The following SLC44A5 variants were observed in gnomAD, a reference collection of about 807,000 sequenced individuals.
SLC44A5 encodes choline transporter-like protein 5.
A neutral mutation model predicts 101.8 loss-of-function variants in SLC44A5; 57 were observed. The ratio of observed to expected loss-of-function variants is 0.56; its 90% CI spans 0.45 to 0.70. SLC44A5 has a LOEUF of 0.70. Among genes scored for constraint, SLC44A5 ranks in the 30% least tolerant of loss-of-function variants. The pLI is 0.00. For synonymous variants in SLC44A5, 281 were observed against 290.9 expected (o/e 0.97, Z 0.35); for missense variants, 737 against 853.1 (o/e 0.86, Z 1.70).
chr1:75,385,555 G>T (rs1171652449), intron 3 of SLC44A5, among the ~76,000 whole-genome samples: 1 of 152,116 alleles, frequency 6.6e-6, no homozygotes, highest in Non-Finnish European at 1.5e-5. Context: ...CTGAAATTGT[G>T]GCAATAATCA....
upstream of SLC44A5, chr1:75,615,967 G>T: frequency 1.2e-6 from 1 of 820,462 alleles, no homozygotes. Flanking sequence ...CCTCGCCGCG[G>T]CTCTCAGCTC....
At chr1:75,660,609 TAAAC>T in the SLC44A5 span, among the ~76,000 whole-genome samples, 9 of 152,218 alleles carry the variant, frequency 5.9e-5, no homozygotes, top group Admixed American at 5.2e-4. Flanking sequence ...GTAGAACTGA[TAAAC>T]AAATTCAGTA....
chr1:75,255,845 A>T (rs1261753484), intron 6 of SLC44A5, among the ~76,000 whole-genome samples: 1 of 152,148 alleles, frequency 6.6e-6, no homozygotes, highest in African/African-American at 2.4e-5. Context: ...AAAATGATGG[A>T]GCAATGTCTT....
chr1:75,305,404 G>C (rs1381200956), intron 4 of SLC44A5, among the ~76,000 whole-genome samples: 2 of 152,156 alleles, frequency 1.3e-5, no homozygotes, highest in African/African-American at 2.4e-5. Context: ...GCACATCACT[G>C]ATATTACTGA....
chr1:75,258,822 G>A (rs1204609614), intron 6 of SLC44A5, among the ~76,000 whole-genome samples: 1 of 145,326 alleles, frequency 6.9e-6, no homozygotes, highest in Non-Finnish European at 1.5e-5. Context: ...GAAGCTTCCA[G>A]AGGAAGGAAC....
At chr1:75,552,361 T>C (rs1054511920) in intron 1 of SLC44A5, among the ~76,000 whole-genome samples, 4 of 152,096 alleles carry the variant, frequency 2.6e-5, no homozygotes, top group African/African-American at 4.8e-5. Flanking sequence ...CTATATTTGG[T>C]TCACAAATCT....
chr1:75,677,213 C>T, the SLC44A5 span, among the ~76,000 whole-genome samples: 2 of 152,088 alleles, frequency 1.3e-5, no homozygotes, highest in Admixed American at 6.5e-5. Flanking sequence ...CTAAATAACA[C>T]TGTAATTGTG....
chr1:75,667,333 A>G, the SLC44A5 span, among the ~76,000 whole-genome samples: 1 of 152,150 alleles, frequency 6.6e-6, no homozygotes, highest in African/African-American at 2.4e-5. Flanking sequence ...CACAATTGCT[A>G]CTAAGAGAAT....
chr1:75,207,957 T>C (rs1326473978), intron 23 of SLC44A5, among the ~76,000 whole-genome samples: 1 of 152,176 alleles, frequency 6.6e-6, no homozygotes, highest in Non-Finnish European at 1.5e-5. Context: ...CTTTCTCAGT[T>C]ATCTGTTGCA....
Position 75,396,263 on chromosome 1 carries a change from A to C in SLC44A5, c.52+320T>G, listed in dbSNP as rs191725742. 3.4e-3 allele frequency among the ~76,000 whole-genome samples: 521 copies of C among 152,256 alleles called. 1 individual carries two copies. Among genetic ancestry groups the C allele is most frequent in the South Asian group, 6.4e-3 (31 of 4,828 alleles). ...TTTATTGGAGAGAGAGATTTGAACA[A>C]GACTCATGTGTCAAAGTCACAAACT... On this transcript the variant is annotated intron_variant, in intron 3 of 23. Transcript: ENST00000370859.
chr1:75,225,638 A>G (rs1182640754), intron 13 of SLC44A5, among the ~76,000 whole-genome samples: 3 of 152,188 alleles, frequency 2.0e-5, no homozygotes, highest in East Asian at 3.8e-4. Context: ...TTTGGTATTT[A>G]TAACTCTGCC....
chr1:75,217,574 A>G (rs1646987901), intron 18 of SLC44A5, among the ~76,000 whole-genome samples: 1 of 152,112 alleles, frequency 6.6e-6, no homozygotes, highest in Non-Finnish European at 1.5e-5. Context: ...TCTCAACAAT[A>G]ACATCTCAAA....
intron 2 of SLC44A5, among the ~76,000 whole-genome samples, chr1:75,476,886 T>A (rs1570394267): frequency 6.6e-6 from 1 of 152,328 alleles, no homozygotes; most frequent in East Asian, 1.9e-4. Flanking sequence ...GTCTGACAGC[T>A]TTGAAGAGAG....
At chr1:75,368,134 A>G (rs1659981817) in intron 3 of SLC44A5, among the ~76,000 whole-genome samples, 1 of 152,218 alleles carries the variant, frequency 6.6e-6, no homozygotes, top group African/African-American at 2.4e-5. Flanking sequence ...TATTACTGAG[A>G]AATTTGCTTT....
At chr1:75,529,593 G>A (rs938652314) in intron 2 of SLC44A5, among the ~76,000 whole-genome samples, 1 of 152,124 alleles carries the variant, frequency 6.6e-6, no homozygotes, top group Non-Finnish European at 1.5e-5. Flanking sequence ...AAGGCAGTCA[G>A]CCTCTTTCTA....
intron 5 of SLC44A5, among the ~76,000 whole-genome samples, chr1:75,300,014 C>CAAAA (rs35608663): frequency 4.2e-4 from 39 of 93,778 alleles, no homozygotes; most frequent in African/African-American, 2.0e-3. Context: ...GACTCTGTCT[C>CAAAA]AAAAAAAAAA....
At chr1:75,211,738 G>A (rs1364253681) in intron 22 of SLC44A5, among the ~76,000 whole-genome samples, 186 bp from the exon 23 acceptor site, 1 of 152,086 alleles carries the variant, frequency 6.6e-6, no homozygotes, top group Non-Finnish European at 1.5e-5. Context: ...ACTTAAACAA[G>A]TTTTATTAAA....
At chr1:75,654,780 A>G in the SLC44A5 span, among the ~76,000 whole-genome samples, 1 of 152,016 alleles carries the variant, frequency 6.6e-6, no homozygotes, top group African/African-American at 2.4e-5. Context: ...TTCCCCCCAA[A>G]ACTTTTCCCA....
chr1:75,703,154 T>G, the SLC44A5 span, among the ~76,000 whole-genome samples: 15 of 151,384 alleles, frequency 9.9e-5, no homozygotes, highest in East Asian at 1.4e-3. Flanking sequence ...GCCATCCCAT[T>G]ACTGGGTATA....
Sources: gnomAD v4.1 joint callset for allele counts (sites outside exome capture counted in the v4.1 genomes callset) on GRCh38, gnomAD v4.1.1 for gene constraint, MANE v1.5 for transcripts, NCBI Gene and HGNC (gene_info 2026-07-23, HGNC 2026-07-21) for gene names.